Variants in CLMN observed in about 807,000 individuals in gnomAD.
The protein encoded by CLMN is calmin, also known as calmin (calponin-like, transmembrane).
Under a neutral mutation model 92.7 loss-of-function variants are expected in CLMN, and 57 were observed. The observed-to-expected ratio is 0.61, with a 90% confidence interval of 0.50 to 0.77. The LOEUF (loss-of-function observed/expected upper bound fraction) is 0.77. Ranked by LOEUF, CLMN falls within the 30% of genes least tolerant of loss-of-function variation. The probability of loss-of-function intolerance (pLI) is 0.00; values close to 1 mark genes in which losing one functional copy is unlikely to be tolerated. For missense variants in CLMN, 1,158 were observed against 1,237.5 expected, an observed-to-expected ratio of 0.94 and a Z score of 0.96; for synonymous variants, 466 against 470.6, an observed-to-expected ratio of 0.99 and a Z score of 0.13.
Position 95,189,742 on chromosome 14 carries a change from T to C in CLMN, c.*1822A>G, listed in dbSNP as rs986297828. On this transcript the variant is annotated 3_prime_UTR_variant, in exon 13 of 13. Transcript: ENST00000298912. ...TATTATCTGTACCTTTGAGCTTTCA[T>C]TGATGCCAGGGAGCTCATTAATTAG... 3.3e-5 allele frequency: 5 copies of C among 152,340 alleles called. No homozygotes were observed. Among genetic ancestry groups the C allele is most frequent in the African/African-American group, 1.2e-4 (5 of 41,576 alleles). The allele number at this position is 152,340 out of a possible 1,614,324, so 9.4% of individuals were successfully genotyped here.
intron 2 of CLMN, among the ~76,000 whole-genome samples, chr14:95,228,961 C>T (rs1384330904): frequency 2.0e-5 from 3 of 152,212 alleles, no homozygotes; most frequent in African/African-American, 7.2e-5. Context: ...AGGCATAAGC[C>T]ACTGTGCCCG....
chr14:95,197,860 A>C (rs1595555723), intron 9 of CLMN, among the ~76,000 whole-genome samples: 1 of 152,122 alleles, frequency 6.6e-6, no homozygotes, highest in African/African-American at 2.4e-5. Flanking sequence ...AGCTCCATGC[A>C]GGAATGAAAA....
intron 8 of CLMN, among the ~76,000 whole-genome samples, chr14:95,206,213 AAATAT>A (rs1897043185): frequency 6.6e-6 from 1 of 152,242 alleles, no homozygotes; most frequent in African/African-American, 2.4e-5. Context: ...GTCATCAGGA[AAATAT>A]AATAAATTGT....
At chr14:95,277,609 G>GTCTTT (rs560779636) in intron 1 of CLMN, among the ~76,000 whole-genome samples, 137 of 152,304 alleles carry the variant, frequency 9.0e-4, no homozygotes, top group African/African-American at 2.9e-3. Flanking sequence ...CTAAGCCTTT[G>GTCTTT]TCTTTTCTTT....
At chr14:95,315,498 G>A (rs1213330341) in intron 1 of CLMN, among the ~76,000 whole-genome samples, 1 of 152,228 alleles carries the variant, frequency 6.6e-6, no homozygotes, top group Non-Finnish European at 1.5e-5. Context: ...AAGTTCGCAT[G>A]AGGGACACCT....
chr14:95,275,829 A>G (rs1166159398), intron 1 of CLMN, among the ~76,000 whole-genome samples: 1 of 150,928 alleles, frequency 6.6e-6, no homozygotes, highest in Non-Finnish European at 1.5e-5. Context: ...TGCCTGGCTA[A>G]TTTTTGTATT....
intron 1 of CLMN, among the ~76,000 whole-genome samples, chr14:95,271,669 G>A (rs1355855744): frequency 6.6e-6 from 1 of 152,188 alleles, no homozygotes; most frequent in Non-Finnish European, 1.5e-5. Context: ...GTTGAGGCAC[G>A]ATTCAGTGCT....
At chr14:95,292,048 A>G (rs1287198023) in intron 1 of CLMN, among the ~76,000 whole-genome samples, 1 of 152,244 alleles carries the variant, frequency 6.6e-6, no homozygotes, top group Non-Finnish European at 1.5e-5. Context: ...ATCTGGCCTC[A>G]CTGCAAGCCC....
At chr14:95,267,918 T>C (rs1251924947) in intron 1 of CLMN, among the ~76,000 whole-genome samples, 2 of 152,066 alleles carry the variant, frequency 1.3e-5, no homozygotes, top group African/African-American at 4.8e-5. Flanking sequence ...CAACCAGGCA[T>C]AAAAAGACAA....
chr14:95,281,523 ACTGACC>A (rs1249812597), intron 1 of CLMN, among the ~76,000 whole-genome samples: 2 of 152,186 alleles, frequency 1.3e-5, no homozygotes, highest in Admixed American at 1.3e-4. Context: ...TGCAATTTAG[ACTGACC>A]CTGCTTATTC....
intron 1 of CLMN, among the ~76,000 whole-genome samples, chr14:95,303,208 G>A (rs1901131684): frequency 6.6e-6 from 1 of 152,224 alleles, no homozygotes; most frequent in African/African-American, 2.4e-5. Context: ...GCTTGAGGAG[G>A]TTTTATAAAA....
In CLMN at chr14:95,215,703, T is replaced by C. The variant is rs1462177061; in HGVS notation, c.355A>G (p.Ile119Val). The C allele has an allele frequency of 1.2e-6, 2 of 1,614,186 alleles. No individual in the cohort carries two copies. The highest frequency in any genetic ancestry group is 1.7e-6 in the Non-Finnish European group (2 of 1,180,034). The change falls in exon 5 of 13, where the codon ATA (isoleucine) becomes GTA (valine). Residue 119 changes from isoleucine to valine, a missense_variant. By Grantham distance (29) the Ile-to-Val change is conservative (BLOSUM62 3). Transcript: ENST00000298912. Reference sequence around the variant, plus strand: ...ACCAAAGAAGGGTTGCCATCTGCTATTTCTGCTGCATCAATGCTAACCAGT... The same window carrying C: ...ACCAAAGAAGGGTTGCCATCTGCTACTTCTGCTGCATCAATGCTAACCAGT... ...VKLVSIDAAEIADGNPSLVLG... is the reference protein window; with the variant it reads ...VKLVSIDAAEVADGNPSLVLG...
chr14:95,212,974 G>C (rs1241629027), intron 6 of CLMN, among the ~76,000 whole-genome samples: 1 of 152,014 alleles, frequency 6.6e-6, no homozygotes, highest in Non-Finnish European at 1.5e-5. Context: ...TTGTTTAGTA[G>C]AGACAGGGTT....
At chr14:95,229,737 T>A (rs1409111289) in intron 2 of CLMN, among the ~76,000 whole-genome samples, 1 of 152,164 alleles carries the variant, frequency 6.6e-6, no homozygotes, top group Non-Finnish European at 1.5e-5. Context: ...TCTTCACAGA[T>A]CCCGGGTCTG....
At chr14:95,244,733 C>A (rs1486255266) in intron 1 of CLMN, among the ~76,000 whole-genome samples, 2 of 152,028 alleles carry the variant, frequency 1.3e-5, no homozygotes, top group Admixed American at 1.3e-4. Context: ...TGAAGATGAA[C>A]CCGTGCATCT....
In CLMN at chr14:95,184,336, A is replaced by G. The variant is rs1425937262; in HGVS notation, c.*7228T>C. 6.6e-6 allele frequency: 1 copy of G among 152,184 alleles called. No homozygotes were observed. Among genetic ancestry groups the G allele is most frequent in the East Asian group, 1.9e-4 (1 of 5,196 alleles). The allele number at this position is 152,184 out of a possible 1,614,324, so 9.4% of individuals were successfully genotyped here. A position where few individuals can be genotyped will look rare whatever the true frequency, so the allele number is the denominator to read the frequency against. ...CAGTGATTAAAATGAAAACAAAAAA[A>G]AGGGTTCCTTTAAAGAGAACACTGC... On this transcript the variant is annotated 3_prime_UTR_variant, in exon 13 of 13. Coordinates refer to ENST00000298912, the MANE Select transcript of CLMN (RefSeq NM_024734.4).
rs1030142587 is a variant in CLMN at position 95,259,873 on chromosome 14, G to A, written c.83-29740C>T. 2.0e-5 allele frequency among the ~76,000 whole-genome samples: 3 copies of A among 152,130 alleles called. No individual in the cohort carries two copies. The highest frequency in any genetic ancestry group is 6.5e-5 in the Admixed American group (1 of 15,280). On this transcript the variant is annotated intron_variant, in intron 1 of 12. Transcript: ENST00000298912. This position sits in a 1 kb window ranked among gnomAD's most constrained non-coding sequence, Gnocchi z 4.3. ...CCCACCTGGACGGCTATTCCCTTGC[G>A]CTTGGTGGCTCCTGAATATGCCTGC...
chr14:95,275,055 T>C (rs2140728872), intron 1 of CLMN, among the ~76,000 whole-genome samples: 1 of 151,624 alleles, frequency 6.6e-6, no homozygotes, highest in African/African-American at 2.4e-5. Flanking sequence ...GATAGTGGTC[T>C]AGCCCTGGAG....
At chr14:95,307,166 C>T (rs988436779) in intron 1 of CLMN, among the ~76,000 whole-genome samples, 5 of 152,144 alleles carry the variant, frequency 3.3e-5, no homozygotes, top group Non-Finnish European at 7.3e-5. Flanking sequence ...AAGACATGGT[C>T]GGGCTCACAG....
Sources: allele counts gnomAD v4.1 joint callset (sites outside exome capture counted in the v4.1 genomes callset), GRCh38; gene constraint gnomAD v4.1.1; non-coding constraint Gnocchi (gnomAD v3.1); transcripts MANE v1.5; gene names NCBI Gene and HGNC (gene_info 2026-07-23, HGNC 2026-07-21).